The following GPHN variants were observed in gnomAD, a reference collection of about 807,000 sequenced individuals.
GPHN encodes the protein gephyrin.
A neutral mutation model predicts 95.5 loss-of-function variants in GPHN; 17 were observed. That is an observed-to-expected ratio of 0.18 (90% CI 0.12 to 0.27). The LOEUF (loss-of-function observed/expected upper bound fraction) is 0.27. Ranked by LOEUF, GPHN falls within the 10% of genes least tolerant of loss-of-function variation. GPHN has a pLI of 1.00. For synonymous variants in GPHN, 320 were observed against 322.5 expected (o/e 0.99, Z 0.08); for missense variants, 660 against 978.1 (o/e 0.67, Z 4.34).
the GPHN span, among the ~76,000 whole-genome samples, chr14:67,536,374 G>A: frequency 2.6e-5 from 4 of 151,862 alleles, no homozygotes; most frequent in South Asian, 2.1e-4. Flanking sequence ...AGTCAGCCAC[G>A]TCTGGCAGAG....
intron 1 of GPHN, among the ~76,000 whole-genome samples, chr14:66,611,284 A>G (rs1044430320): frequency 3.9e-5 from 6 of 152,164 alleles, no homozygotes; most frequent in African/African-American, 1.2e-4. Flanking sequence ...TCCATTGAAT[A>G]CATACAAAGC....
At chr14:66,545,884 T>C (rs1196408980) in intron 1 of GPHN, among the ~76,000 whole-genome samples, 45 of 138,948 alleles carry the variant, frequency 3.2e-4, no homozygotes, top group African/African-American at 4.3e-4. Flanking sequence ...ACCTCCCTCC[T>C]GGACGGGGCG....
At chr14:66,597,251 A>G (rs1028072733) in intron 1 of GPHN, among the ~76,000 whole-genome samples, 4 of 152,228 alleles carry the variant, frequency 2.6e-5, no homozygotes, top group Admixed American at 1.3e-4. Context: ...GGACAGCTCA[A>G]AAACCCTGAG....
At chr14:67,352,702 C>CG in the GPHN span, 4 of 423,114 alleles carry the variant, frequency 9.5e-6, no homozygotes, top group Admixed American at 4.0e-5. Flanking sequence ...GAGAGGCAGG[C>CG]GGGGGGCCAA....
chr14:67,650,918 T>C, the GPHN span: 1 of 1,613,670 alleles, frequency 6.2e-7, no homozygotes, highest in Non-Finnish European at 8.5e-7. Flanking sequence ...TGTGAGAATT[T>C]AGGAGACACT....
intron 1 of GPHN, among the ~76,000 whole-genome samples, chr14:66,663,652 A>T (rs1258255668): frequency 6.6e-6 from 1 of 152,184 alleles, no homozygotes; most frequent in Non-Finnish European, 1.5e-5. Flanking sequence ...CTCAAATGAA[A>T]ATGGGATAAA....
intron 8 of GPHN, among the ~76,000 whole-genome samples, chr14:66,931,324 G>T (rs1221695013): frequency 6.6e-6 from 1 of 151,992 alleles, no homozygotes; most frequent in Admixed American, 6.6e-5. Context: ...GTGTCTTGAG[G>T]TGGTCTTCTT....
the GPHN span, among the ~76,000 whole-genome samples, chr14:67,523,504 G>T: frequency 6.6e-6 from 1 of 152,220 alleles, no homozygotes; most frequent in Admixed American, 6.5e-5. Context: ...GCATTTGGAA[G>T]ATGAGAGCAA....
At chr14:67,477,876 C>T in the GPHN span, among the ~76,000 whole-genome samples, 2 of 152,196 alleles carry the variant, frequency 1.3e-5, no homozygotes, top group Non-Finnish European at 2.9e-5. Flanking sequence ...TTAGAACCAG[C>T]GGTCTCAAAG....
chr14:67,288,083 C>T, the GPHN span, among the ~76,000 whole-genome samples: 1 of 150,900 alleles, frequency 6.6e-6, no homozygotes, highest in Non-Finnish European at 1.5e-5. Flanking sequence ...TGGGGTCTCC[C>T]TTTTTTTTTC....
intron 4 of GPHN, among the ~76,000 whole-genome samples, chr14:66,858,879 G>A (rs2062908049): frequency 6.6e-6 from 1 of 152,070 alleles, no homozygotes; most frequent in Admixed American, 6.6e-5. Context: ...ACTCCCCTTG[G>A]GTCTGTTGTG....
intron 11 of GPHN, among the ~76,000 whole-genome samples, chr14:67,086,649 CAAA>C (rs59947004): frequency 1.8e-4 from 15 of 84,564 alleles, no homozygotes; most frequent in Admixed American, 5.1e-4. Context: ...GACTCTGTCT[CAAA>C]AAAAAAAAAA....
intron 2 of GPHN, among the ~76,000 whole-genome samples, chr14:66,682,860 T>C (rs56007522): frequency 0.039 from 6,002 of 152,282 alleles, 173 homozygotes; most frequent in Middle Eastern, 0.065. Context: ...TGAACTCCAA[T>C]TATATAAAAG....
At chr14:67,250,120 TGATGTA>T in the GPHN span, among the ~76,000 whole-genome samples, 1,424 of 152,294 alleles carry the variant, frequency 9.4e-3, 18 homozygotes, top group African/African-American at 0.032. Flanking sequence ...TGAAAACCAT[TGATGTA>T]GATAGACGAA....
At chr14:67,170,156 G>A (rs1009370926) in intron 21 of GPHN, among the ~76,000 whole-genome samples, 2 of 151,972 alleles carry the variant, frequency 1.3e-5, no homozygotes, top group Non-Finnish European at 2.9e-5. Flanking sequence ...AAAAAATCTA[G>A]GCTTTCAATA....
At chr14:67,521,564 A>G in the GPHN span, among the ~76,000 whole-genome samples, 2 of 152,138 alleles carry the variant, frequency 1.3e-5, no homozygotes, top group Non-Finnish European at 2.9e-5. Context: ...TTGTTTTTTC[A>G]TCATCAAAAA....
the GPHN span, among the ~76,000 whole-genome samples, chr14:67,654,345 G>A: frequency 3.5e-5 from 5 of 144,562 alleles, no homozygotes; most frequent in African/African-American, 1.3e-4. Flanking sequence ...GTCTCGCTAT[G>A]TTGCCCAGGC....
At chr14:67,120,107 C>G (rs2078931610) in intron 16 of GPHN, among the ~76,000 whole-genome samples, 1 of 129,564 alleles carries the variant, frequency 7.7e-6, no homozygotes, top group Admixed American at 8.3e-5. Context: ...GCCTGTGCAA[C>G]AGAATAAGAC....
At chr14:66,715,602 G>A (rs983446262) in intron 2 of GPHN, among the ~76,000 whole-genome samples, 2 of 152,082 alleles carry the variant, frequency 1.3e-5, no homozygotes, top group African/African-American at 4.8e-5. Context: ...CAGTCTTTTT[G>A]ATGTAGGTGT....
Sources: gnomAD v4.1 joint callset for allele counts (sites outside exome capture counted in the v4.1 genomes callset) on GRCh38, gnomAD v4.1.1 for gene constraint, MANE v1.5 for transcripts, NCBI Gene and HGNC (gene_info 2026-07-23, HGNC 2026-07-21) for gene names.